PPL: variants seen among roughly 807,000 people sequenced by gnomAD.
PPL encodes the protein 190 kDa paraneoplastic pemphigus antigen.
A neutral mutation model predicts 194.4 loss-of-function variants in PPL; 198 were observed. The ratio of observed to expected loss-of-function variants is 1.02; its 90% CI spans 0.91 to 1.15. The LOEUF is 1.15. Among genes scored for constraint, PPL ranks in the 50% most tolerant of loss-of-function variants. The probability of loss-of-function intolerance (pLI) is 0.00; values close to 1 mark genes in which losing one functional copy is unlikely to be tolerated. For missense variants in PPL, 2,885 were observed against 2,294.8 expected (o/e 1.26, Z -5.25); for synonymous variants, 1,220 against 972.4 (o/e 1.25, Z -4.74).
chr16:4,929,420 C>A (rs185328080), intron 1 of PPL, among the ~76,000 whole-genome samples: 3 of 152,046 alleles, frequency 2.0e-5, no homozygotes, highest in Admixed American at 2.0e-4. Flanking sequence ...CTGTGCCCCC[C>A]GCCAGCTGTG....
At position 4,884,992 on chromosome 16, in the gene PPL, C is replaced by T; in HGVS notation, c.3663G>A (p.Arg1221=). Residue 1221 remains arginine, a synonymous_variant, in exon 22 of 22, where the codon AGG becomes AGA. Coordinates refer to ENST00000345988, the MANE Select transcript of PPL (RefSeq NM_002705.5). The surrounding 1 kb of genome is among the most constrained non-coding windows in gnomAD (Gnocchi z 5.7). The part of the protein sequence containing the change: ...SYQSELEALR[R]RGPQVEVKEV... ...CTTTGACTTCCACCTGGGGGCCTCG[C>T]CTCCTGAGGGCCTCCAGCTCACTCT... is the stretch of plus-strand genomic sequence containing the variant. The T allele has an allele frequency of 6.2e-7, 1 of 1,614,056 alleles. No homozygotes were observed. Among genetic ancestry groups the T allele is most frequent in the Non-Finnish European group, 8.5e-7 (1 of 1,180,034 alleles).
chr16:4,931,519 C>T (rs886543832), intron 1 of PPL, among the ~76,000 whole-genome samples: 6 of 152,170 alleles, frequency 3.9e-5, no homozygotes, highest in Non-Finnish European at 7.3e-5. Context: ...CATCAGAAGC[C>T]GGGAGAACAA....
intron 1 of PPL, among the ~76,000 whole-genome samples, chr16:4,929,410 C>T (rs1331853390): frequency 6.6e-6 from 1 of 152,094 alleles, no homozygotes; most frequent in East Asian, 1.9e-4. Context: ...TCTTCCCACG[C>T]TGTGCCCCCC....
At chr16:4,903,644 G>A (rs1389777607) in intron 3 of PPL, among the ~76,000 whole-genome samples, 1 of 151,902 alleles carries the variant, frequency 6.6e-6, no homozygotes, top group East Asian at 1.9e-4. Flanking sequence ...AGCTTGAACT[G>A]GGGAGGCAGA....
In PPL at chr16:4,890,890, G is replaced by T; in HGVS notation, c.2000C>A (p.Ser667Tyr). The T allele has an allele frequency of 6.5e-7, 1 of 1,540,010 alleles. No homozygotes were observed. The highest frequency in any genetic ancestry group is 1.2e-5 in the South Asian group (1 of 83,942). ...AMACELQAQK[S>Y]LLGEVEQNLQ... Reference sequence around the variant, plus strand: ...GTTCTGCTCCACCTCACCCAGGAGGGACTTCTGGGCCTGTAACTCACAGGC... The same window carrying T: ...GTTCTGCTCCACCTCACCCAGGAGGTACTTCTGGGCCTGTAACTCACAGGC... The change falls in exon 17 of 22, where the codon TCC becomes TAC. Residue 667 changes from serine (S) to tyrosine (Y), a missense_variant. Coordinates refer to ENST00000345988, the MANE Select transcript of PPL (RefSeq NM_002705.5).
At chr16:4,914,802 G>C (rs1231137600) in intron 1 of PPL, among the ~76,000 whole-genome samples, 1 of 152,136 alleles carries the variant, frequency 6.6e-6, no homozygotes, top group Non-Finnish European at 1.5e-5. Context: ...CGGTAAGAAG[G>C]GATAAGGTGG....
Position 4,883,386 on chromosome 16 carries a change from A to G in PPL, c.5269T>C (p.Ter1757GlnextTer57). 1 of 1,613,928 alleles carries G rather than the reference A, an allele frequency of 6.2e-7. No individual in the cohort carries two copies. Among genetic ancestry groups the G allele is most frequent in the Non-Finnish European group, 8.5e-7 (1 of 1,180,000 alleles). ...ELAVLVSGQK[*>Q] is the part of the protein sequence containing the mutation. Reference sequence around the variant, plus strand: ...ACGAAGAGTTGCAAGAGCTGTGCCTACTTCTGCCCAGATACCAAGACCGCC... The same window carrying G: ...ACGAAGAGTTGCAAGAGCTGTGCCTGCTTCTGCCCAGATACCAAGACCGCC... Residue 1757 changes from the stop codon to glutamine (Q), a stop_lost, in exon 22 of 22, where the codon TAG (stop) becomes CAG (glutamine). Coordinates refer to ENST00000345988, the MANE Select transcript of PPL (RefSeq NM_002705.5). The surrounding 1 kb of genome is among the most constrained non-coding windows in gnomAD (Gnocchi z 4.8).
At chr16:4,924,500 C>G (rs144398049) in intron 1 of PPL, among the ~76,000 whole-genome samples, 6 of 152,182 alleles carry the variant, frequency 3.9e-5, no homozygotes, top group Non-Finnish European at 7.4e-5. Context: ...ATCTTCCAGT[C>G]TCACTCGGTG....
At chr16:4,889,247 T>G (rs866994469) in intron 18 of PPL, among the ~76,000 whole-genome samples, 186 bp from the exon 19 acceptor site, 974 of 35,714 alleles carry the variant, frequency 0.027, 12 homozygotes, top group East Asian at 0.055. Flanking sequence ...TGTTGTTTTT[T>G]TTTTTTTTTT....
At chr16:4,893,886 A>G (rs2088368596) in intron 12 of PPL, 1 of 554,134 alleles carries the variant, frequency 1.8e-6, no homozygotes, top group Non-Finnish European at 3.2e-6. Flanking sequence ...AATCACCACC[A>G]AGATGTTACT....
chr16:4,891,811 C>G lies in PPL; in HGVS notation c.1968G>C (p.Ala656=), dbSNP rs199762487. ...CCCAGGACTTGGGCCCTAGACTCACCGCCAGCTCCTGCCCCTTGCTGTCCA... is the reference window on the plus strand; with the variant it reads ...CCCAGGACTTGGGCCCTAGACTCACGGCCAGCTCCTGCCCCTTGCTGTCCA... ...RVLDSKGQEL[A]AMACELQAQK... The change falls in exon 16 of 22, where the codon GCG becomes GCC. Residue 656 remains alanine (A), a splice_region_variant and synonymous_variant. Coordinates refer to ENST00000345988, the MANE Select transcript of PPL (RefSeq NM_002705.5). 1 of 1,608,132 alleles carries G rather than the reference C, an allele frequency of 6.2e-7. No homozygotes were observed. Among genetic ancestry groups the G allele is most frequent in the South Asian group, 1.1e-5 (1 of 90,180 alleles).
chr16:4,897,846 G>C, intron 8 of PPL, 76 bp from the exon 9 acceptor site: 2 of 1,252,972 alleles, frequency 1.6e-6, no homozygotes, highest in Non-Finnish European at 2.3e-6. Flanking sequence ...TGGGATATTG[G>C]GCTGGGGCAT....
intron 4 of PPL, 126 bp from the exon 5 acceptor site, chr16:4,901,215 C>G: frequency 1.9e-6 from 2 of 1,042,350 alleles, no homozygotes; most frequent in Non-Finnish European, 2.7e-6. Flanking sequence ...TGCAGAGCCA[C>G]AAGGAGATGC....
chr16:4,886,074 T>C (rs2088215367), intron 21 of PPL, 27 bp from the exon 22 acceptor site: 1 of 1,613,020 alleles, frequency 6.2e-7, no homozygotes, highest in East Asian at 2.2e-5. Context: ...AAGACAAGGT[T>C]AAAGCCAGGC....
Position 4,885,055 on chromosome 16 carries a change from T to C in PPL, c.3600A>G (p.Arg1200=). The C allele has an allele frequency of 6.2e-7, 1 of 1,613,656 alleles. No homozygotes were observed. Among genetic ancestry groups the C allele is most frequent in the Non-Finnish European group, 8.5e-7 (1 of 1,180,026 alleles). ...GCTGCTCCTCGGCACCCCGGTACTT[T>C]CGCTCCTGCTCCACAAGCTCCAGGC... The part of the protein sequence containing the change: ...NLRLELVEQE[R]KYRGAEEQLR... Residue 1200 remains arginine, a synonymous_variant, in exon 22 of 22, where the codon CGA becomes CGG. Transcript: ENST00000345988. The surrounding 1 kb of genome is among the most constrained non-coding windows in gnomAD (Gnocchi z 6.3).
chr16:4,904,029 C>G lies in PPL; in HGVS notation c.174G>C (p.Arg58=). 6.2e-7 allele frequency: 1 copy of G among 1,611,938 alleles called. No homozygotes were observed. The change falls in exon 3 of 22, where the codon CGG becomes CGC. Residue 58 remains arginine, a synonymous_variant. Coordinates refer to ENST00000345988, the MANE Select transcript of PPL (RefSeq NM_002705.5). ...GCTCAGGCTGCCGACCCTCCTGCAG[C>G]CGAGCCAGGTCCTGTGAGGGTCACA... ...TEAKMQSDLA[R]LQEGRQPEHR...
In PPL at chr16:4,895,341, C is replaced by A. The variant is rs1259128995; in HGVS notation, c.1162G>T (p.Val388Leu). 1 of 1,613,392 alleles carries A rather than the reference C, an allele frequency of 6.2e-7. No individual in the cohort carries two copies. Among genetic ancestry groups the A allele is most frequent in the Non-Finnish European group, 8.5e-7 (1 of 1,179,982 alleles). Reference sequence around the variant, plus strand: ...TCCCGGCGGTACTTGAGGGGCACCACCTGCTGGCCTCGCTTCTGCAGCCCC... The same window carrying A: ...TCCCGGCGGTACTTGAGGGGCACCAACTGCTGGCCTCGCTTCTGCAGCCCC... ...VQGLQKRGQQVVPLKYRRETP... is the reference protein window; with the variant it reads ...VQGLQKRGQQLVPLKYRRETP... Residue 388 changes from valine (V) to leucine (L), a missense_variant, in exon 11 of 22, where the codon GTG (valine) becomes TTG (leucine). Val to Leu is a conservative substitution (Grantham distance 32). Transcript: ENST00000345988.
chr16:4,926,638 G>A (rs1349616687), intron 1 of PPL, among the ~76,000 whole-genome samples: 2 of 152,156 alleles, frequency 1.3e-5, no homozygotes, highest in African/African-American at 4.8e-5. Context: ...CACTTTGGGA[G>A]GCCGAGGCGG....
chr16:4,904,948 A>G (rs2088654036), intron 2 of PPL, among the ~76,000 whole-genome samples: 1 of 152,198 alleles, frequency 6.6e-6, no homozygotes, highest in African/African-American at 2.4e-5. Context: ...CGTTTAGGGA[A>G]GAGCAATGAA....
Sources: allele counts gnomAD v4.1 joint callset (sites outside exome capture counted in the v4.1 genomes callset), GRCh38; gene constraint gnomAD v4.1.1; non-coding constraint Gnocchi (gnomAD v3.1); transcripts MANE v1.5; gene names NCBI Gene and HGNC (gene_info 2026-07-23, HGNC 2026-07-21).